Variants in NKAIN3 observed in about 807,000 individuals in gnomAD.
The protein encoded by NKAIN3 is sodium/potassium-transporting ATPase subunit beta-1-interacting protein 3.
In NKAIN3, 25 loss-of-function variants were observed where a neutral mutation model predicts 30.2. That is an observed-to-expected ratio of 0.83 (90% CI 0.60 to 1.16). The LOEUF (loss-of-function observed/expected upper bound fraction) is 1.16. NKAIN3 is among the 50% of genes most tolerant of loss of function. The pLI is 0.00. For synonymous variants in NKAIN3, 91 were observed against 89.6 expected, an observed-to-expected ratio of 1.02 and a Z score of -0.09; for missense variants, 225 against 254.1, an observed-to-expected ratio of 0.89 and a Z score of 0.78.
chr8:62,432,395 A>C (rs913346491), intron 1 of NKAIN3, among the ~76,000 whole-genome samples: 3 of 152,208 alleles, frequency 2.0e-5, no homozygotes, highest in Non-Finnish European at 2.9e-5. Flanking sequence ...TTACAACTTG[A>C]GAATAATTTT....
chr8:62,512,146 T>G (rs1320922191), intron 1 of NKAIN3, among the ~76,000 whole-genome samples: 2 of 152,174 alleles, frequency 1.3e-5, no homozygotes, highest in African/African-American at 4.8e-5. Flanking sequence ...GGTTTAATGC[T>G]ATATTCTGAG....
chr8:62,690,139 C>A (rs1214148236), intron 3 of NKAIN3, among the ~76,000 whole-genome samples: 2 of 152,120 alleles, frequency 1.3e-5, no homozygotes, highest in African/African-American at 4.8e-5. Context: ...GCACTAATCA[C>A]AGGGTGTTTC....
chr8:62,924,323 T>C, intron 5 of NKAIN3, among the ~76,000 whole-genome samples: 1 of 152,248 alleles, frequency 6.6e-6, no homozygotes, highest in East Asian at 1.9e-4. Context: ...TATTGTGAGA[T>C]GCTTTCACTG....
intron 4 of NKAIN3, among the ~76,000 whole-genome samples, chr8:62,888,931 G>A (rs1821222690): frequency 6.6e-6 from 1 of 152,100 alleles, no homozygotes; most frequent in African/African-American, 2.4e-5. Flanking sequence ...CTTACCTTTT[G>A]TTGAACTGAT....
intron 1 of NKAIN3, among the ~76,000 whole-genome samples, chr8:62,282,209 A>C (rs1472713379): frequency 6.6e-6 from 1 of 152,096 alleles, no homozygotes; most frequent in Non-Finnish European, 1.5e-5. Context: ...TGGAGCTGAC[A>C]AGTCTTGAGA....
At chr8:62,321,275 C>T (rs891206611) in intron 1 of NKAIN3, among the ~76,000 whole-genome samples, 2 of 152,152 alleles carry the variant, frequency 1.3e-5, no homozygotes, top group Non-Finnish European at 2.9e-5. Context: ...GCCATGGGTT[C>T]GAACTTCCTC....
intron 5 of NKAIN3, among the ~76,000 whole-genome samples, chr8:62,945,310 T>C (rs1438128340): frequency 5.3e-5 from 8 of 152,220 alleles, no homozygotes; most frequent in Admixed American, 4.6e-4. Flanking sequence ...TAATGACCTA[T>C]CATCTAAAGT....
chr8:62,708,848 G>T (rs1393010017), intron 3 of NKAIN3, among the ~76,000 whole-genome samples: 1 of 152,136 alleles, frequency 6.6e-6, no homozygotes, highest in East Asian at 1.9e-4. Flanking sequence ...GTATTATGTT[G>T]GCTGTGGGTT....
chr8:62,285,766 A>G (rs1813361948), intron 1 of NKAIN3, among the ~76,000 whole-genome samples: 1 of 152,174 alleles, frequency 6.6e-6, no homozygotes, highest in Admixed American at 6.6e-5. Flanking sequence ...CCAGTCATAC[A>G]AAAATATCTG....
chr8:62,824,246 C>T (rs1392392690), intron 4 of NKAIN3, among the ~76,000 whole-genome samples: 1 of 152,072 alleles, frequency 6.6e-6, no homozygotes, highest in African/African-American at 2.4e-5. Flanking sequence ...TATCAACCAC[C>T]AATATTCTCA....
intron 4 of NKAIN3, among the ~76,000 whole-genome samples, chr8:62,804,460 G>C (rs143247363): frequency 6.6e-6 from 1 of 152,190 alleles, no homozygotes; most frequent in African/African-American, 2.4e-5. Context: ...CCACGATCAA[G>C]TGGACTTCAT....
chr8:62,337,310 A>T (rs1274636446), intron 1 of NKAIN3, among the ~76,000 whole-genome samples: 1 of 152,078 alleles, frequency 6.6e-6, no homozygotes, highest in Non-Finnish European at 1.5e-5. Context: ...ATGGTATCAG[A>T]TAACTTGTGG....
In NKAIN3 at chr8:62,983,031, G is replaced by A. The variant is rs536702687; in HGVS notation, c.*17624G>A. Reference sequence around the variant, plus strand: ...CTGACAATACCCACAAGATACTACTGACTTGGAAGTTTCACTGCAGGTAGC... The same window carrying A: ...CTGACAATACCCACAAGATACTACTAACTTGGAAGTTTCACTGCAGGTAGC... On this transcript the variant is annotated 3_prime_UTR_variant, in exon 7 of 7. Coordinates refer to ENST00000623646, the MANE Select transcript of NKAIN3 (RefSeq NM_001304533.3). 4 of 152,222 alleles carry A rather than the reference G, an allele frequency of 2.6e-5. No individual in the cohort carries two copies. The East Asian group carries it at 7.7e-4, about 29-fold the overall frequency. The allele number at this position is 152,222 out of a possible 1,614,324, so 9.4% of individuals were successfully genotyped here. A position where few individuals can be genotyped will look rare whatever the true frequency, so the allele number is the denominator to read the frequency against.
At chr8:62,263,429 A>G (rs1475415814) in intron 1 of NKAIN3, among the ~76,000 whole-genome samples, 2 of 152,278 alleles carry the variant, frequency 1.3e-5, no homozygotes, top group East Asian at 3.9e-4. Flanking sequence ...CCAAAAGGAA[A>G]GGAAAAACAG....
At chr8:62,870,695 CTATA>C (rs1161541293) in intron 4 of NKAIN3, among the ~76,000 whole-genome samples, 1 of 53,608 alleles carries the variant, frequency 1.9e-5, no homozygotes, top group African/African-American at 8.9e-5. Flanking sequence ...ATCTCTCTAT[CTATA>C]TATCTATATA....
chr8:62,916,640 C>A (rs1202002453), intron 4 of NKAIN3, among the ~76,000 whole-genome samples: 1 of 152,106 alleles, frequency 6.6e-6, no homozygotes, highest in Non-Finnish European at 1.5e-5. Context: ...CAGGTTACTG[C>A]AAATTCTCAT....
intron 1 of NKAIN3, among the ~76,000 whole-genome samples, chr8:62,301,300 C>T (rs1294834438): frequency 6.6e-6 from 1 of 151,982 alleles, no homozygotes; most frequent in African/African-American, 2.4e-5. Context: ...ATTAAATTGT[C>T]CGGAGTTTAA....
chr8:62,773,731 C>T (rs182368917), intron 4 of NKAIN3, among the ~76,000 whole-genome samples: 1 of 152,096 alleles, frequency 6.6e-6, no homozygotes, highest in African/African-American at 2.4e-5. Flanking sequence ...ATAAGACATG[C>T]CTTTGCTCCT....
intron 1 of NKAIN3, among the ~76,000 whole-genome samples, chr8:62,519,639 T>A (rs1304790962): frequency 6.6e-6 from 1 of 152,168 alleles, no homozygotes; most frequent in Non-Finnish European, 1.5e-5. Context: ...GCATGATCAT[T>A]CTGCATGATT....
Sources: gnomAD v4.1 joint callset for allele counts (sites outside exome capture counted in the v4.1 genomes callset) on GRCh38, gnomAD v4.1.1 for gene constraint, MANE v1.5 for transcripts, NCBI Gene and HGNC (gene_info 2026-07-23, HGNC 2026-07-21) for gene names.